GCA: variants seen among roughly 807,000 people sequenced by gnomAD.
GCA encodes the protein grancalcin.
Under a neutral mutation model 32.6 loss-of-function variants are expected in GCA, and 30 were observed. That is an observed-to-expected ratio of 0.92 (90% confidence interval 0.69 to 1.25). The LOEUF (loss-of-function observed/expected upper bound fraction) is 1.25, where lower values mean the gene tolerates loss of function less well. GCA is among the 50% of genes most tolerant of loss of function. GCA has a pLI of 0.00. For synonymous variants in GCA, 102 were observed against 84.6 expected, an observed-to-expected ratio of 1.21 and a Z score of -1.13; for missense variants, 291 against 266.8, an observed-to-expected ratio of 1.09 and a Z score of -0.63.
intron 1 of GCA, among the ~76,000 whole-genome samples, chr2:162,324,668 G>C (rs1683812088): frequency 6.6e-6 from 1 of 152,254 alleles, no homozygotes; most frequent in East Asian, 1.9e-4. Context: ...CCTCACCTAG[G>C]TCTGTGAGGG....
At chr2:162,344,440 C>CA in intron 1 of GCA, 165 bp downstream of exon 1, 1 of 672,762 alleles carries the variant, frequency 1.5e-6, no homozygotes, top group Non-Finnish European at 2.6e-6. Context: ...CCTGGGCGAG[C>CA]ATTGATCCTG....
chr2:162,360,529 A>G lies in GCA; in HGVS notation c.*286A>G, dbSNP rs778602263. 57 of 1,022,404 alleles carry G rather than the reference A, an allele frequency of 5.6e-5. No individual in the cohort carries two copies. The highest frequency in any genetic ancestry group is 6.9e-5 in the Non-Finnish European group (54 of 786,474). 63.3% of individuals were successfully genotyped at this position (1,022,404 alleles called of 1,614,324 possible). A position where few individuals can be genotyped will look rare whatever the true frequency, so the allele number is the denominator to read the frequency against. On this transcript the variant is annotated 3_prime_UTR_variant, in exon 8 of 8. Coordinates refer to ENST00000437150, the MANE Select transcript of GCA (RefSeq NM_012198.5). ...AAATAATGCTTAGCCTTAATTTTAG[A>G]TAATGTAAATTTAGAGGAATGTACT...
At chr2:162,359,599 CAGTT>C (rs1685470792) in intron 7 of GCA, 47 bp downstream of exon 7, 1 of 940,360 alleles carries the variant, frequency 1.1e-6, no homozygotes, top group Non-Finnish European at 1.6e-6. Context: ...AGATAGTTCT[CAGTT>C]AGTAAAAAAA....
intron 1 of GCA, among the ~76,000 whole-genome samples, chr2:162,322,790 C>T (rs1290140610): frequency 1.3e-5 from 2 of 151,510 alleles, no homozygotes; most frequent in Non-Finnish European, 2.9e-5. Flanking sequence ...GCCACATTTT[C>T]TTAATCCAGT....
At chr2:162,329,832 C>T (rs930358037) in intron 1 of GCA, among the ~76,000 whole-genome samples, 7 of 152,200 alleles carry the variant, frequency 4.6e-5, no homozygotes, top group Non-Finnish European at 4.4e-5. Context: ...TTTCCCTCCT[C>T]GCACCCTTCA....
intron 3 of GCA, among the ~76,000 whole-genome samples, chr2:162,354,046 A>G (rs539616475): frequency 2.0e-5 from 3 of 152,268 alleles, no homozygotes; most frequent in South Asian, 2.1e-4. Context: ...CTCTGAGACT[A>G]TTAATATATT....
upstream of GCA, among the ~76,000 whole-genome samples, chr2:162,341,917 T>C (rs1207525985): frequency 1.3e-5 from 2 of 152,226 alleles, no homozygotes; most frequent in Non-Finnish European, 2.9e-5. Context: ...TGGAGTTGTT[T>C]TGAGAAATAA....
intron 1 of GCA, among the ~76,000 whole-genome samples, chr2:162,326,225 G>T: frequency 6.6e-6 from 1 of 152,172 alleles, no homozygotes; most frequent in East Asian, 1.9e-4. Context: ...TTGCACATAT[G>T]GGACCTCAGA....
rs756416690 is a variant in GCA, at chr2:162,360,983, C to A, written c.*740C>A. On this transcript the variant is annotated 3_prime_UTR_variant, in exon 8 of 8. Coordinates refer to ENST00000437150, the MANE Select transcript of GCA (RefSeq NM_012198.5). ...ATAGTTCACCTAAAATGGCATCCTG[C>A]TCTGAATCTAGACTTTTTAGAAATG... 1.6e-5 allele frequency: 18 copies of A among 1,099,352 alleles called. No individual in the cohort carries two copies. Among genetic ancestry groups the A allele is most frequent in the African/African-American group, 3.2e-5 (2 of 61,604 alleles). 68.1% of individuals were successfully genotyped at this position (1,099,352 alleles called of 1,614,324 possible).
intron 1 of GCA, among the ~76,000 whole-genome samples, chr2:162,329,881 G>A (rs1284672952): frequency 6.6e-6 from 1 of 152,002 alleles, no homozygotes. Flanking sequence ...TCCCCCATGT[G>A]TTCTCATCAT....
chr2:162,367,974 T>C (rs982290286), downstream of GCA, among the ~76,000 whole-genome samples: 1 of 152,030 alleles, frequency 6.6e-6, no homozygotes, highest in African/African-American at 2.4e-5. Context: ...GAACCCAAGT[T>C]GGTCTGATGC....
chr2:162,374,076 G>A (rs1296414625), downstream of GCA, among the ~76,000 whole-genome samples: 2 of 152,116 alleles, frequency 1.3e-5, no homozygotes, highest in Non-Finnish European at 2.9e-5. Flanking sequence ...TTTCATAACT[G>A]TAGCATCCCA....
chr2:162,333,739 G>A (rs892380819), intron 1 of GCA, among the ~76,000 whole-genome samples: 1 of 152,096 alleles, frequency 6.6e-6, no homozygotes, highest in African/African-American at 2.4e-5. Flanking sequence ...CAGCATGCAT[G>A]GACTGTGAGT....
At position 162,344,290 on chromosome 2, in the gene GCA, C is replaced by A; in HGVS notation, c.27+15C>A. ...ACGGAGGAGGGGTGAGTCCCAGCCG[C>A]TTGGTCGTGTCCCTCTTCCTCGCGG... On this transcript the variant is annotated intron_variant, in intron 1 of 7. Coordinates refer to ENST00000437150, the MANE Select transcript of GCA (RefSeq NM_012198.5). The A allele has an allele frequency of 6.2e-7, 1 of 1,613,230 alleles. No homozygotes were observed. Among genetic ancestry groups the A allele is most frequent in the Non-Finnish European group, 8.5e-7 (1 of 1,179,542 alleles).
At chr2:162,358,636 T>C (rs1438056095) in intron 5 of GCA, among the ~76,000 whole-genome samples, 2 of 151,406 alleles carry the variant, frequency 1.3e-5, no homozygotes, top group Admixed American at 1.3e-4. Flanking sequence ...GCAAGTAATA[T>C]GTTCAGTGGG....
At position 162,361,290 on chromosome 2, in the gene GCA, G is replaced by A. The variant is rs548407203; in HGVS notation, c.*1047G>A. On this transcript the variant is annotated 3_prime_UTR_variant, in exon 8 of 8. Transcript: ENST00000437150. ...GTGGTACTAAAACTGCCGAAAATGCGACGTAGAATCACCAGATCTTTAGTG... is the reference window on the plus strand; with the variant it reads ...GTGGTACTAAAACTGCCGAAAATGCAACGTAGAATCACCAGATCTTTAGTG... 9.1e-6 allele frequency: 9 copies of A among 984,686 alleles called. No homozygotes were observed. The highest frequency in any genetic ancestry group is 1.1e-4 in the East Asian group (1 of 8,786). The allele number at this position is 984,686 out of a possible 1,614,324, so 61.0% of individuals were successfully genotyped here. A position where few individuals can be genotyped will look rare whatever the true frequency, so the allele number is the denominator to read the frequency against.
intron 1 of GCA, among the ~76,000 whole-genome samples, chr2:162,320,755 A>C (rs1683633648): frequency 6.6e-6 from 1 of 152,214 alleles, no homozygotes; most frequent in Admixed American, 6.5e-5. Flanking sequence ...GCAGTTAATA[A>C]AATTAACAAA....
At chr2:162,351,792 G>C (rs1244567821) in intron 2 of GCA, among the ~76,000 whole-genome samples, 1 of 151,980 alleles carries the variant, frequency 6.6e-6, no homozygotes, top group Non-Finnish European at 1.5e-5. Flanking sequence ...GTGATTTCTT[G>C]TTTGCATTTT....
intron 1 of GCA, among the ~76,000 whole-genome samples, chr2:162,324,918 G>T (rs1446054347): frequency 1.3e-5 from 2 of 152,106 alleles, no homozygotes; most frequent in Admixed American, 6.5e-5. Flanking sequence ...TTTATCTAAG[G>T]GTTCCTGGCA....
Sources: gnomAD v4.1 joint callset for allele counts (sites outside exome capture counted in the v4.1 genomes callset) on GRCh38, gnomAD v4.1.1 for gene constraint, MANE v1.5 for transcripts, NCBI Gene and HGNC (gene_info 2026-07-23, HGNC 2026-07-21) for gene names.